KIAA1217: variants seen among roughly 807,000 people sequenced by gnomAD.
KIAA1217 encodes the protein sickle tail protein homolog.
A neutral mutation model predicts 163.9 loss-of-function variants in KIAA1217; 88 were observed. That is an observed-to-expected ratio of 0.54 (90% CI 0.45 to 0.64). The LOEUF (loss-of-function observed/expected upper bound fraction) is 0.64, where lower values mean the gene tolerates loss of function less well. Among genes scored for constraint, KIAA1217 ranks in the 30% least tolerant of loss-of-function variants. The pLI, the probability that KIAA1217 is intolerant of heterozygous loss-of-function variation, is 0.00. For synonymous variants in KIAA1217, 903 were observed against 923.1 expected (o/e 0.98, Z 0.39); for missense variants, 2,372 against 2,475.0 (o/e 0.96, Z 0.88).
chr10:24,275,956 G>A (rs961122365), intron 2 of KIAA1217, among the ~76,000 whole-genome samples: 2 of 152,090 alleles, frequency 1.3e-5, no homozygotes, highest in African/African-American at 2.4e-5. Context: ...TGGGCTTGGC[G>A]ATGTTGCATT....
chr10:23,969,725 A>G (rs1362061200), intron 1 of KIAA1217, among the ~76,000 whole-genome samples: 1 of 152,172 alleles, frequency 6.6e-6, no homozygotes, highest in Admixed American at 6.5e-5. Flanking sequence ...CTCTTATTCT[A>G]TGGATTGTCT....
At chr10:23,762,058 A>G (rs1341594976) in intron 1 of KIAA1217, among the ~76,000 whole-genome samples, 5 of 152,188 alleles carry the variant, frequency 3.3e-5, no homozygotes, top group Non-Finnish European at 7.4e-5. Flanking sequence ...AACCAGGAAG[A>G]AGTCAAATTC....
chr10:24,133,842 T>G (rs1361781639), intron 2 of KIAA1217, among the ~76,000 whole-genome samples: 2 of 152,192 alleles, frequency 1.3e-5, no homozygotes, highest in Non-Finnish European at 2.9e-5. Context: ...GAAATCAGAC[T>G]GTGTTTTGTA....
rs1455233199 is a variant in KIAA1217, at chr10:24,524,765, G to A, written c.2898+1G>A. On this transcript the variant is annotated splice_donor_variant, in intron 13 of 20. Coordinates refer to ENST00000376454, the MANE Select transcript of KIAA1217 (RefSeq NM_019590.5). LOFTEE classifies it high-confidence loss of function. ...CAAGAACAGGGCAGTGTCTATCGAG[G>A]TAGAGTCCTATTTCTGTTTCTCATA... 2.5e-6 allele frequency: 4 copies of A among 1,579,886 alleles called. No individual in the cohort carries two copies. The African/African-American group carries it at 4.0e-5, about 16-fold the overall frequency.
intron 1 of KIAA1217, among the ~76,000 whole-genome samples, chr10:23,928,486 G>C (rs1420018318): frequency 6.6e-6 from 1 of 152,036 alleles, no homozygotes; most frequent in Non-Finnish European, 1.5e-5. Flanking sequence ...AAATGTATAT[G>C]GTCATTCATT....
At chr10:23,824,923 T>C (rs557273485) in intron 1 of KIAA1217, among the ~76,000 whole-genome samples, 1 of 152,172 alleles carries the variant, frequency 6.6e-6, no homozygotes, top group South Asian at 2.1e-4. Flanking sequence ...GGACAAGGTA[T>C]TACATAGTAA....
intron 1 of KIAA1217, among the ~76,000 whole-genome samples, chr10:23,896,260 C>A (rs146260915): frequency 4.9e-4 from 75 of 151,716 alleles, no homozygotes; most frequent in African/African-American, 1.7e-3. Context: ...TTTAATCATC[C>A]ACAGAATTAA....
chr10:23,802,938 G>A (rs985279023), intron 1 of KIAA1217, among the ~76,000 whole-genome samples: 23 of 152,234 alleles, frequency 1.5e-4, no homozygotes, highest in Middle Eastern at 6.8e-3. Context: ...GGCACTCTTC[G>A]AAGATCTTTG....
chr10:24,521,648 C>A, intron 11 of KIAA1217, 134 bp from the exon 12 acceptor site: 1 of 1,058,206 alleles, frequency 9.4e-7, no homozygotes, highest in Non-Finnish European at 1.4e-6. Context: ...TCTTAACCCA[C>A]TGCCACCTGA....
intron 2 of KIAA1217, among the ~76,000 whole-genome samples, chr10:24,030,437 C>T (rs1011902421): frequency 3.3e-5 from 5 of 152,138 alleles, no homozygotes; most frequent in African/African-American, 1.2e-4. Flanking sequence ...TAAGAAGTGC[C>T]TGGCTTCCTC....
At chr10:24,055,711 T>C (rs1360581528) in intron 2 of KIAA1217, among the ~76,000 whole-genome samples, 2 of 152,202 alleles carry the variant, frequency 1.3e-5, no homozygotes, top group Non-Finnish European at 2.9e-5. Context: ...AAAGTCATTT[T>C]TTTTTTCCGA....
At chr10:24,028,368 T>A (rs567439573) in intron 2 of KIAA1217, among the ~76,000 whole-genome samples, 2 of 152,204 alleles carry the variant, frequency 1.3e-5, no homozygotes, top group African/African-American at 4.8e-5. Context: ...GAAAATGAAT[T>A]ACAGCATATC....
chr10:24,418,396 A>G (rs1028687171), intron 3 of KIAA1217, among the ~76,000 whole-genome samples: 27 of 152,212 alleles, frequency 1.8e-4, no homozygotes, highest in African/African-American at 6.5e-4. Context: ...AGGACCAAAC[A>G]GGTTGTGCCT....
At chr10:24,280,229 T>C (rs1398320258) in intron 2 of KIAA1217, among the ~76,000 whole-genome samples, 1 of 152,212 alleles carries the variant, frequency 6.6e-6, no homozygotes, top group Non-Finnish European at 1.5e-5. Context: ...TAATGAATTC[T>C]AAATTGGATG....
chr10:23,824,659 ATAT>A (rs1175317632), intron 1 of KIAA1217, among the ~76,000 whole-genome samples: 38 of 67,510 alleles, frequency 5.6e-4, no homozygotes, highest in African/African-American at 1.5e-3. Context: ...AATAAAAAAA[ATAT>A]ATATATATAT....
At chr10:24,118,478 A>G (rs2063150408) in intron 2 of KIAA1217, among the ~76,000 whole-genome samples, 1 of 152,190 alleles carries the variant, frequency 6.6e-6, no homozygotes, top group Non-Finnish European at 1.5e-5. Flanking sequence ...TCAGCAGGAA[A>G]TCCTCCATCT....
At chr10:24,366,520 AG>A (rs2050804236) in intron 2 of KIAA1217, among the ~76,000 whole-genome samples, 1 of 152,228 alleles carries the variant, frequency 6.6e-6, no homozygotes, top group Non-Finnish European at 1.5e-5. Flanking sequence ...TTGCACAGTA[AG>A]CATTGTAAAC....
chr10:23,765,136 T>G lies in KIAA1217; in HGVS notation c.-321+69902T>G, dbSNP rs184823668. 7.3e-5 allele frequency among the ~76,000 whole-genome samples: 11 copies of G among 151,186 alleles called. No homozygotes were observed. In the East Asian group the frequency reaches 2.1e-3, roughly 30 times the overall value. On this transcript the variant is annotated intron_variant, in intron 1 of 18. Coordinates refer to the KIAA1217 transcript ENST00000376462. ...ATAGTTATGATAAACACCATAGGAC[T>G]CTTGTCTGTTGGTTAGAAAATTTTT...
intron 2 of KIAA1217, among the ~76,000 whole-genome samples, chr10:24,167,418 T>G (rs1247239186): frequency 6.6e-6 from 1 of 152,104 alleles, no homozygotes; most frequent in East Asian, 1.9e-4. Context: ...TGAAGTCATT[T>G]GTTGGTAACA....
Sources: gnomAD v4.1 joint callset for allele counts (sites outside exome capture counted in the v4.1 genomes callset) on GRCh38, gnomAD v4.1.1 for gene constraint, MANE v1.5 for transcripts, NCBI Gene and HGNC (gene_info 2026-07-23, HGNC 2026-07-21) for gene names.